Variants in MAML1 observed in about 807,000 individuals in gnomAD.
MAML1 encodes the protein mastermind like transcriptional coactivator 1.
A neutral mutation model predicts 77.1 loss-of-function variants in MAML1; 14 were observed. The observed-to-expected ratio is 0.18, with a 90% CI of 0.12 to 0.28. The LOEUF (loss-of-function observed/expected upper bound fraction) is 0.28. Ranked by LOEUF, MAML1 falls within the 10% of genes least tolerant of loss-of-function variation. The pLI is 1.00. For missense variants in MAML1, 1,217 were observed against 1,327.8 expected, an observed-to-expected ratio of 0.92 and a Z score of 1.30; for synonymous variants, 516 against 551.9, an observed-to-expected ratio of 0.93 and a Z score of 0.91.
chr5:179,758,177 G>A (rs997109118), intron 1 of MAML1, among the ~76,000 whole-genome samples: 2 of 152,090 alleles, frequency 1.3e-5, no homozygotes, highest in South Asian at 2.1e-4. Flanking sequence ...GGAAAATACC[G>A]GAACTGGAAC....
At position 179,774,207 on chromosome 5, in the gene MAML1, C is replaced by T. The variant is rs751233036; in HGVS notation, c.2381C>T (p.Ser794Leu). 3 of 1,613,478 alleles carry T rather than the reference C, an allele frequency of 1.9e-6. No individual in the cohort carries two copies. In the South Asian group the frequency reaches 3.3e-5, roughly 18 times the overall value. Residue 794 changes from serine (S) to leucine (L), a missense_variant, in exon 5 of 5, where the codon TCA becomes TTA. Ser to Leu is a moderately radical substitution (Grantham distance 145). This residue lies in a region of MAML1 where 884 missense variants were observed against 949.3 expected (regional missense o/e 0.93). Transcript: ENST00000292599. ...AACGTGGGCCAGAACACCTCCGTCT[C>T]AGCTGCCTATGGGCAGAACTCTCTG... ...QTNVGQNTSVSAAYGQNSLGS... is the reference protein window; with the variant it reads ...QTNVGQNTSVLAAYGQNSLGS...
At chr5:179,752,722 T>G (rs943369020) in intron 1 of MAML1, among the ~76,000 whole-genome samples, 1 of 147,550 alleles carries the variant, frequency 6.8e-6, no homozygotes, top group Non-Finnish European at 1.5e-5. Flanking sequence ...TTCTCCTGCC[T>G]CAGCCTCTGG....
chr5:179,754,468 C>T (rs1779572113), intron 1 of MAML1, among the ~76,000 whole-genome samples: 1 of 151,826 alleles, frequency 6.6e-6, no homozygotes, highest in East Asian at 1.9e-4. Flanking sequence ...GTGGCGCATG[C>T]CTGTAGTGCT....
At position 179,774,658 on chromosome 5, in the gene MAML1, C is replaced by G. The variant is rs371278067; in HGVS notation, c.2832C>G (p.Ser944Arg). 229 of 1,610,346 alleles carry G rather than the reference C, an allele frequency of 1.4e-4. No homozygotes were observed. The highest frequency in any genetic ancestry group is 1.9e-4 in the Non-Finnish European group (221 of 1,179,306). ...AGPELGAFSQ[S>R]PASQMGGRAG... is the part of the protein sequence containing the mutation. Reference sequence around the variant, plus strand: ...CTGAGCTGGGGGCCTTCAGCCAGAGCCCTGCCTCACAGATGGGCGGTCGGG... The same window carrying G: ...CTGAGCTGGGGGCCTTCAGCCAGAGGCCTGCCTCACAGATGGGCGGTCGGG... Residue 944 changes from serine to arginine, a missense_variant, in exon 5 of 5, where the codon AGC (serine) becomes AGG (arginine). By Grantham distance (110) the Ser-to-Arg change is moderately radical. Around this residue, in one of 3 missense-constraint regions of MAML1, gnomAD observed 884 missense variants for 949.3 expected, o/e 0.93. Coordinates refer to ENST00000292599, the MANE Select transcript of MAML1 (RefSeq NM_014757.5).
rs758869741 is a variant in MAML1 at position 179,769,559 on chromosome 5, C to CT, written c.1971+482dup. On this transcript the variant is annotated intron_variant, in intron 3 of 4. Transcript: ENST00000292599. This position sits in a 1 kb window ranked among gnomAD's most constrained non-coding sequence, Gnocchi z 4.2. ...GCACTAAGGGTTACAAGTGAGAGTT[C>CT]TTTTTTTTTTTTGGAGACAGAGTCT... Among the ~76,000 whole-genome samples, 3,048 of 145,734 alleles carry CT rather than the reference C, an allele frequency of 0.021. 48 individuals are homozygous for CT. Among genetic ancestry groups the CT allele is most frequent in the Non-Finnish European group, 0.031 (2,071 of 65,804 alleles).
chr5:179,746,362 G>A (rs1779383661), intron 1 of MAML1, among the ~76,000 whole-genome samples: 1 of 152,056 alleles, frequency 6.6e-6, no homozygotes, highest in Non-Finnish European at 1.5e-5. Context: ...AAGGGAATAA[G>A]TTTAGTTATA....
intron 1 of MAML1, 78 bp downstream of exon 1, chr5:179,733,505 C>G: frequency 9.7e-7 from 1 of 1,027,426 alleles, no homozygotes; most frequent in Non-Finnish European, 1.2e-6. Flanking sequence ...GCGGATCGGG[C>G]CGCTGGGAGA....
Position 179,765,854 on chromosome 5 carries a change from G to C in MAML1, c.844G>C (p.Glu282Gln). The C allele has an allele frequency of 6.2e-7, 1 of 1,614,170 alleles. No individual in the cohort carries two copies. Among genetic ancestry groups the C allele is most frequent in the South Asian group, 1.1e-5 (1 of 91,078 alleles). Residue 282 changes from glutamate to glutamine, a missense_variant, in exon 2 of 5, where the codon GAG becomes CAG. Glu to Gln is a conservative substitution (Grantham distance 29, BLOSUM62 2). Transcript: ENST00000292599. Reference protein sequence around the residue: ...NEDFEEKKDPESSGSATQTPL... With the variant: ...NEDFEEKKDPQSSGSATQTPL... ...GGACTTCGAGGAGAAGAAGGACCCA[G>C]AGTCTTCTGGCTCTGCCACACAAAC...
At chr5:179,770,036 A>G (rs1755946002) in intron 3 of MAML1, among the ~76,000 whole-genome samples, 1 of 152,192 alleles carries the variant, frequency 6.6e-6, no homozygotes, top group Non-Finnish European at 1.5e-5. Flanking sequence ...TTGTGCAACC[A>G]TTACCACAAT....
chr5:179,733,096 C>T lies in MAML1; in HGVS notation c.-17C>T, dbSNP rs1779096989. On this transcript the variant is annotated 5_prime_UTR_variant, in exon 1 of 5. Transcript: ENST00000292599. ...GAGAGGCCCGGCCCCGGGCCCGGCC[C>T]GTGCAGCCCGCGGCCCATGGTGCTG... 2.2e-6 allele frequency: 3 copies of T among 1,352,584 alleles called. No homozygotes were observed. The highest frequency in any genetic ancestry group is 2.8e-6 in the Non-Finnish European group (3 of 1,053,182). The allele number at this position is 1,352,584 out of a possible 1,614,324, so 83.8% of individuals were successfully genotyped here. A position where few individuals can be genotyped will look rare whatever the true frequency, so the allele number is the denominator to read the frequency against.
intron 1 of MAML1, among the ~76,000 whole-genome samples, chr5:179,753,725 C>T (rs1445599506): frequency 7.6e-6 from 1 of 131,600 alleles, no homozygotes; most frequent in Non-Finnish European, 1.5e-5. Context: ...CAATGGTGTG[C>T]GATACTGGCT....
chr5:179,751,429 C>T (rs72809796), intron 1 of MAML1, among the ~76,000 whole-genome samples: 5,602 of 152,260 alleles, frequency 0.037, 127 homozygotes, highest in African/African-American at 0.053. Context: ...TTTTGGTGCA[C>T]TCACTTCAGT....
rs750620887 is a variant in MAML1 at position 179,771,178 on chromosome 5, G to A, written c.2003G>A (p.Arg668His). Residue 668 changes from arginine to histidine, a missense_variant, in exon 4 of 5, where the codon CGC (arginine) becomes CAC (histidine). Around this residue, in one of 3 missense-constraint regions of MAML1, gnomAD observed 884 missense variants for 949.3 expected, o/e 0.93. Coordinates refer to ENST00000292599, the MANE Select transcript of MAML1 (RefSeq NM_014757.5). The surrounding 1 kb of genome is among the most constrained non-coding windows in gnomAD (Gnocchi z 4.7). ...EKQQFQRHLT[R>H]PPPQYQDPTQ... ...CAACAGTTTCAGCGCCATCTGACCCGCCCACCACCCCAGTACCAAGACCCG... is the reference window on the plus strand; with the variant it reads ...CAACAGTTTCAGCGCCATCTGACCCACCCACCACCCCAGTACCAAGACCCG... The A allele has an allele frequency of 7.4e-6, 12 of 1,613,824 alleles. No individual in the cohort carries two copies. The highest frequency in any genetic ancestry group is 1.3e-5 in the African/African-American group (1 of 74,872).
Position 179,733,218 on chromosome 5 carries a change from A to C in MAML1, c.106A>C (p.Thr36Pro). Residue 36 changes from threonine to proline, a missense_variant, in exon 1 of 5, where the codon ACC (threonine) becomes CCC (proline). Thr to Pro is a conservative substitution (Grantham distance 38). Transcript: ENST00000292599. ...CGAGCTGTGCCGGCGCCACCACAGC[A>C]CCTGCGAGGCCCGCTACGAGGCCGT... ...RIELCRRHHS[T>P]CEARYEAVSP... The C allele has an allele frequency of 6.8e-7, 1 of 1,479,112 alleles. No individual in the cohort carries two copies. The highest frequency in any genetic ancestry group is 8.9e-7 in the Non-Finnish European group (1 of 1,118,498). 91.6% of individuals were successfully genotyped at this position (1,479,112 alleles called of 1,614,324 possible). A position where few individuals can be genotyped will look rare whatever the true frequency, so the allele number is the denominator to read the frequency against.
In MAML1 at chr5:179,775,775, T is replaced by G; in HGVS notation, c.*898T>G. 1 of 985,558 alleles carries G rather than the reference T, an allele frequency of 1.0e-6. No individual in the cohort carries two copies. Among genetic ancestry groups the G allele is most frequent in the Non-Finnish European group, 1.2e-6 (1 of 829,972 alleles). The allele number at this position is 985,558 out of a possible 1,614,324, so 61.1% of individuals were successfully genotyped here. ...TGGGAGCGTGGTCACTGTGCAGTTG[T>G]GCACAGATGTCTTTCCTTTACCGTT... On this transcript the variant is annotated 3_prime_UTR_variant, in exon 5 of 5. Coordinates refer to ENST00000292599, the MANE Select transcript of MAML1 (RefSeq NM_014757.5).
chr5:179,736,265 A>AT (rs972811895), intron 1 of MAML1, among the ~76,000 whole-genome samples: 20 of 150,490 alleles, frequency 1.3e-4, no homozygotes, highest in African/African-American at 1.9e-4. Flanking sequence ...GACTTTTGTT[A>AT]TTTTTTTTTA....
chr5:179,737,043 A>AT lies in MAML1; in HGVS notation c.315+3624dup, dbSNP rs1002659471. Among the ~76,000 whole-genome samples the AT allele has an allele frequency of 3.3e-5, 5 of 151,628 alleles. No homozygotes were observed. The South Asian group carries it at 8.4e-4, about 25-fold the overall frequency. On this transcript the variant is annotated intron_variant, in intron 1 of 4. Transcript: ENST00000292599. Reference sequence around the variant, plus strand: ...GTTCTAAGAATTTAGACCCTGTATGATTTTTTTTAGTCCTGAGTCAGTGGG... The same window carrying AT: ...GTTCTAAGAATTTAGACCCTGTATGATTTTTTTTTAGTCCTGAGTCAGTGGG...
chr5:179,733,646 C>T (rs1046288712), intron 1 of MAML1, among the ~76,000 whole-genome samples: 1 of 152,230 alleles, frequency 6.6e-6, no homozygotes, highest in African/African-American at 2.4e-5. Context: ...GAGGGCCTTG[C>T]AGGAGGCCCG....
rs1756091742 is a variant in MAML1 at position 179,774,606 on chromosome 5, G to T, written c.2780G>T (p.Gly927Val). ...PAPPPTAPQQ[G>V]LPGLSPAGPE... is the part of the protein sequence containing the mutation. The stretch of plus-strand genomic sequence containing the variant: ...CCACCCCCAACAGCCCCTCAGCAGG[G>T]CTTGCCTGGCCTGAGCCCAGCAGGG... Residue 927 changes from glycine (G) to valine (V), a missense_variant, in exon 5 of 5, where the codon GGC becomes GTC. By Grantham distance (109) the Gly-to-Val change is moderately radical (BLOSUM62 -3). Around this residue, in one of 3 missense-constraint regions of MAML1, gnomAD observed 884 missense variants for 949.3 expected, o/e 0.93. Coordinates refer to ENST00000292599, the MANE Select transcript of MAML1 (RefSeq NM_014757.5). 6.2e-7 allele frequency: 1 copy of T among 1,612,036 alleles called. No individual in the cohort carries two copies. Among genetic ancestry groups the T allele is most frequent in the East Asian group, 2.2e-5 (1 of 44,866 alleles).
Sources: gnomAD v4.1 joint callset for allele counts (sites outside exome capture counted in the v4.1 genomes callset) on GRCh38, gnomAD v4.1.1 for gene constraint, gnomAD v4.1.1 regional missense constraint, Gnocchi (gnomAD v3.1) non-coding constraint, MANE v1.5 for transcripts, NCBI Gene and HGNC (gene_info 2026-07-23, HGNC 2026-07-21) for gene names.